The following TCEA3 variants were observed in gnomAD, a reference collection of about 807,000 sequenced individuals.
TCEA3 encodes transcription elongation factor A3, also known as transcription elongation factor A protein 3.
A neutral mutation model predicts 44.0 loss-of-function variants in TCEA3; 36 were observed. The observed-to-expected ratio is 0.82, with a 90% CI of 0.63 to 1.08. TCEA3 has a LOEUF of 1.08. Ranked by LOEUF, TCEA3 falls within the 50% of genes least tolerant of loss-of-function variation. The pLI, the probability that TCEA3 is intolerant of heterozygous loss-of-function variation, is 0.00. For synonymous variants in TCEA3, 162 were observed against 159.7 expected (o/e 1.01, Z -0.11); for missense variants, 392 against 441.2 (o/e 0.89, Z 1.00).
intron 7 of TCEA3, among the ~76,000 whole-genome samples, chr1:23,395,726 G>A (rs1189874620): frequency 6.6e-6 from 1 of 151,942 alleles, no homozygotes; most frequent in Admixed American, 6.6e-5. Flanking sequence ...TACTTGGGAG[G>A]CTGAGGCAGC....
At chr1:23,384,102 A>T (rs558683880) in intron 10 of TCEA3, 14 of 1,339,290 alleles carry the variant, frequency 1.0e-5, no homozygotes, top group Admixed American at 6.8e-5. Flanking sequence ...TCATCCTGTG[A>T]TAAAATGTGG....
At chr1:23,404,098 C>A in intron 5 of TCEA3, 1 of 702,268 alleles carries the variant, frequency 1.4e-6, no homozygotes, top group Admixed American at 2.0e-5. Context: ...ATCTGGAGGC[C>A]GGGCCCGCTG....
chr1:23,399,833 G>C (rs778425394), intron 5 of TCEA3, among the ~76,000 whole-genome samples: 1 of 151,916 alleles, frequency 6.6e-6, no homozygotes, highest in African/African-American at 2.4e-5. Flanking sequence ...GCACCACCAC[G>C]CCCAGCTAAT....
At chr1:23,382,552 C>T (rs1343623203) in intron 10 of TCEA3, among the ~76,000 whole-genome samples, 1 of 152,198 alleles carries the variant, frequency 6.6e-6, no homozygotes, top group African/African-American at 2.4e-5. Flanking sequence ...GAGGCTGAAA[C>T]GTAGCCCCTG....
rs142563366 is a variant in TCEA3 at position 23,417,204 on chromosome 1, C to T, written c.380+45G>A. On this transcript the variant is annotated intron_variant, in intron 4 of 10. Coordinates refer to ENST00000450454, the MANE Select transcript of TCEA3 (RefSeq NM_003196.3). ...TATACACTGAGTTGCTGTCAGAGGA[C>T]GTGACAAGTGTCAGCTCCCTTCTCT... is the stretch of plus-strand genomic sequence containing the variant. The T allele has an allele frequency of 1.7e-4, 266 of 1,595,146 alleles. 3 individuals are homozygous for T. In the Middle Eastern group the frequency reaches 6.9e-3, roughly 41 times the overall value.
At chr1:23,419,019 C>G in intron 2 of TCEA3, 58 bp downstream of exon 2, 1 of 854,130 alleles carries the variant, frequency 1.2e-6, no homozygotes, top group Non-Finnish European at 1.6e-6. Flanking sequence ...GGGGTCTTTC[C>G]CTCCCCCACC....
rs142307519 is a variant in TCEA3, at chr1:23,393,472, C to T, written c.819+407G>A. The stretch of plus-strand genomic sequence containing the variant: ...ACACATCATACGTACCACATAGACA[C>T]GCACTCCACACGTACAGCCCCCACA... On this transcript the variant is annotated intron_variant, in intron 8 of 10. Coordinates refer to ENST00000450454, the MANE Select transcript of TCEA3 (RefSeq NM_003196.3). 3.2e-4 allele frequency among the ~76,000 whole-genome samples: 48 copies of T among 152,196 alleles called. No individual in the cohort carries two copies. In the East Asian group the frequency reaches 5.4e-3, roughly 17 times the overall value.
intron 4 of TCEA3, among the ~76,000 whole-genome samples, chr1:23,413,009 G>A (rs546547964): frequency 2.0e-5 from 3 of 152,190 alleles, no homozygotes; most frequent in African/African-American, 7.2e-5. Flanking sequence ...CAGCACCAGC[G>A]ACAGCTTCAT....
At position 23,424,648 on chromosome 1, in the gene TCEA3, C is replaced by T; in HGVS notation, c.-15G>A. ...TCCTGGCCCATGTTGGCCCGCGACG[C>T]CCGGCGGGGCGAGGGGCACAGGGGC... On this transcript the variant is annotated 5_prime_UTR_variant, in exon 1 of 11. Coordinates refer to ENST00000450454, the MANE Select transcript of TCEA3 (RefSeq NM_003196.3). 3 of 1,600,896 alleles carry T rather than the reference C, an allele frequency of 1.9e-6. No homozygotes were observed. The highest frequency in any genetic ancestry group is 2.5e-6 in the Non-Finnish European group (3 of 1,177,120).
At chr1:23,403,842 C>A in intron 5 of TCEA3, 2 of 493,120 alleles carry the variant, frequency 4.1e-6, no homozygotes, top group East Asian at 3.3e-5. Context: ...GCACACCCAG[C>A]CCTGGTCCCG....
In TCEA3 at chr1:23,412,728, A is replaced by C. The variant is rs2148577331; in HGVS notation, c.381-4002T>G. Among the ~76,000 whole-genome samples the C allele has an allele frequency of 2.0e-5, 3 of 152,222 alleles. No homozygotes were observed. The South Asian group carries it at 6.2e-4, about 32-fold the overall frequency. The stretch of plus-strand genomic sequence containing the variant: ...CATCTCAAAAAAAAAAAAATTGTAC[A>C]GTCTGCCTAAAGGAATGGAAAAATT... On this transcript the variant is annotated intron_variant, in intron 4 of 10. Coordinates refer to ENST00000450454, the MANE Select transcript of TCEA3 (RefSeq NM_003196.3).
At chr1:23,419,203 G>A (rs1639985465) in intron 1 of TCEA3, 64 bp from the exon 2 acceptor site, 6 of 1,310,652 alleles carry the variant, frequency 4.6e-6, no homozygotes. Flanking sequence ...TGACTATTGT[G>A]TGGTCTTGGT....
chr1:23,413,995 T>C, intron 4 of TCEA3, among the ~76,000 whole-genome samples: 1 of 147,582 alleles, frequency 6.8e-6, no homozygotes, highest in Non-Finnish European at 1.5e-5. Context: ...TGTATATATA[T>C]ATATATATAT....
chr1:23,410,081 T>G (rs911993732), intron 4 of TCEA3, among the ~76,000 whole-genome samples: 21 of 152,130 alleles, frequency 1.4e-4, no homozygotes, highest in African/African-American at 4.3e-4. Context: ...CTGGAAGTGC[T>G]GGTCACTAAT....
intron 5 of TCEA3, among the ~76,000 whole-genome samples, chr1:23,401,720 G>A (rs993668075): frequency 1.3e-5 from 2 of 152,060 alleles, no homozygotes; most frequent in Non-Finnish European, 2.9e-5. Context: ...AATTCACAGC[G>A]GATCAAGTCA....
chr1:23,404,114 G>C, intron 5 of TCEA3: 1 of 702,318 alleles, frequency 1.4e-6, no homozygotes. Context: ...CGCTGCTTCT[G>C]TGCGCCACCT....
At chr1:23,408,209 G>T (rs1639603009) in intron 5 of TCEA3, among the ~76,000 whole-genome samples, 4 of 152,170 alleles carry the variant, frequency 2.6e-5, no homozygotes, top group Admixed American at 2.6e-4. Flanking sequence ...TGATCCGCCT[G>T]CCTCGGCCTT....
Position 23,418,006 on chromosome 1 carries a change from T to C in TCEA3, c.136A>G (p.Thr46Ala). ...CCATTAACAGCAACTCCAATCCTGG[T>C]TGTCTGCAAAGTGAGAGGGTTAAGG... ...CQMSIQLLQT[T>A]RIGVAVNGVR... is the part of the protein sequence containing the mutation. The change falls in exon 3 of 11, where the codon ACC becomes GCC. Residue 46 changes from threonine to alanine, a missense_variant. Transcript: ENST00000450454. The C allele has an allele frequency of 6.2e-7, 1 of 1,614,038 alleles. No individual in the cohort carries two copies. Among genetic ancestry groups the C allele is most frequent in the Non-Finnish European group, 8.5e-7 (1 of 1,179,882 alleles).
At chr1:23,421,586 T>C (rs1359773292) in intron 1 of TCEA3, among the ~76,000 whole-genome samples, 2 of 152,102 alleles carry the variant, frequency 1.3e-5, no homozygotes, top group Admixed American at 1.3e-4. Context: ...GCTACCAACA[T>C]GCTGTCACTG....
Sources: gnomAD v4.1 joint callset for allele counts (sites outside exome capture counted in the v4.1 genomes callset) on GRCh38, gnomAD v4.1.1 for gene constraint, MANE v1.5 for transcripts, NCBI Gene and HGNC (gene_info 2026-07-23, HGNC 2026-07-21) for gene names.